Variants in CREBBP observed in about 807,000 individuals in gnomAD.
The protein encoded by CREBBP is CREB binding lysine acetyltransferase.
A neutral mutation model predicts 265.0 loss-of-function variants in CREBBP; 19 were observed. That is an observed-to-expected ratio of 0.07 (90% CI 0.05 to 0.11). The LOEUF is 0.11. Among genes scored for constraint, CREBBP ranks in the 10% least tolerant of loss-of-function variants. The pLI is 1.00. For missense variants in CREBBP, 2,525 were observed against 3,219.0 expected, an observed-to-expected ratio of 0.78 and a Z score of 5.22; for synonymous variants, 1,457 against 1,223.7, an observed-to-expected ratio of 1.19 and a Z score of -3.98.
At position 3,736,915 on chromosome 16, in the gene CREBBP, A is replaced by T. The variant is rs183430221; in HGVS notation, c.4395-100T>A. On this transcript the variant is annotated intron_variant, in intron 26 of 30. Coordinates refer to ENST00000262367, the MANE Select transcript of CREBBP (RefSeq NM_004380.3). ...GGAGCAAGGACTAAAGCCAGGACAG[A>T]AGTAACCAGAGAGAGAGAATGAATG... is the stretch of plus-strand genomic sequence containing the variant. The T allele has an allele frequency of 7.1e-6, 10 of 1,411,930 alleles. No individual in the cohort carries two copies. The Admixed American group carries it at 1.8e-4, about 25-fold the overall frequency. 87.5% of individuals were successfully genotyped at this position (1,411,930 alleles called of 1,614,324 possible). A position where few individuals can be genotyped will look rare whatever the true frequency, so the allele number is the denominator to read the frequency against.
chr16:3,851,767 T>C (rs1192499880), intron 1 of CREBBP, among the ~76,000 whole-genome samples: 1 of 142,888 alleles, frequency 7.0e-6, no homozygotes. Context: ...GGCAGGAGAA[T>C]GGCGTGAACC....
intron 12 of CREBBP, 35 bp downstream of exon 12, chr16:3,774,534 G>A: frequency 6.2e-7 from 1 of 1,613,416 alleles, no homozygotes; most frequent in Non-Finnish European, 8.5e-7. Flanking sequence ...GTGAGAGGGA[G>A]GGCTATCTGC....
rs2053171297 is a variant in CREBBP, at chr16:3,777,504, AAAG to A, written c.2158+106_2158+108del. The A allele has an allele frequency of 7.6e-6, 9 of 1,181,986 alleles. No individual in the cohort carries two copies. In the East Asian group the frequency reaches 1.9e-4, roughly 24 times the overall value. The allele number at this position is 1,181,986 out of a possible 1,614,324, so 73.2% of individuals were successfully genotyped here. Reference sequence around the variant, plus strand: ...TCTGCTTATCAGCAAAAAGGAATGGAAAGAAGAAAGGGTTAGAAAGAAATATAC... The same window carrying A: ...TCTGCTTATCAGCAAAAAGGAATGGAAAGAAAGGGTTAGAAAGAAATATAC... On this transcript the variant is annotated intron_variant, in intron 11 of 30. Coordinates refer to ENST00000262367, the MANE Select transcript of CREBBP (RefSeq NM_004380.3).
At chr16:3,763,337 T>C (rs1008050101) in intron 16 of CREBBP, among the ~76,000 whole-genome samples, 4 of 152,114 alleles carry the variant, frequency 2.6e-5, no homozygotes, top group Non-Finnish European at 5.9e-5. Flanking sequence ...TTCTTATTTT[T>C]TTCTACAGAG....
chr16:3,776,049 TG>T (rs992306657), intron 11 of CREBBP, among the ~76,000 whole-genome samples: 4 of 152,178 alleles, frequency 2.6e-5, no homozygotes, highest in African/African-American at 9.7e-5. Context: ...CCCGCGTAGC[TG>T]GGATTACAGG....
Position 3,801,669 on chromosome 16 carries a change from T to TA in CREBBP, c.976-8044dup, listed in dbSNP as rs560780116. 9.4e-4 allele frequency among the ~76,000 whole-genome samples: 142 copies of TA among 150,864 alleles called. 1 individual carries two copies. The highest frequency in any genetic ancestry group is 7.6e-3 in the South Asian group (36 of 4,758). On this transcript the variant is annotated intron_variant, in intron 3 of 30. Coordinates refer to ENST00000262367, the MANE Select transcript of CREBBP (RefSeq NM_004380.3). ...TGTGCAACAAGAGCAACATTCTGTC[T>TA]AAAAAAAAACAGAAGAACGGGGTAA...
intron 30 of CREBBP, 131 bp from the exon 31 acceptor site, chr16:3,730,005 AG>A (rs2051868987): frequency 6.8e-7 from 1 of 1,463,208 alleles, no homozygotes; most frequent in East Asian, 2.5e-5. Flanking sequence ...AGACCCAGAC[AG>A]GATGCGAGCA....
intron 2 of CREBBP, among the ~76,000 whole-genome samples, chr16:3,841,519 T>C (rs1372302855): frequency 1.3e-5 from 2 of 152,118 alleles, no homozygotes; most frequent in Admixed American, 6.6e-5. Flanking sequence ...TGCACACCTA[T>C]AGTACCAGCT....
At chr16:3,774,447 C>T (rs983103279) in intron 12 of CREBBP, 122 bp downstream of exon 12, 1 of 1,341,698 alleles carries the variant, frequency 7.5e-7, no homozygotes. Context: ...AGAAATAAAG[C>T]ATAACCCAAA....
intron 2 of CREBBP, among the ~76,000 whole-genome samples, chr16:3,838,942 T>G (rs1340288590): frequency 6.6e-6 from 1 of 152,204 alleles, no homozygotes; most frequent in Non-Finnish European, 1.5e-5. Context: ...AAATATTTTA[T>G]GTGGCACAGC....
intron 12 of CREBBP, 106 bp from the exon 13 acceptor site, chr16:3,774,036 A>C (rs2053079025): frequency 8.0e-7 from 1 of 1,250,536 alleles, no homozygotes; most frequent in African/African-American, 1.5e-5. Context: ...GAGGATGGCA[A>C]GCACAGGGCT....
intron 1 of CREBBP, among the ~76,000 whole-genome samples, chr16:3,862,025 G>C (rs1202340645): frequency 6.6e-6 from 1 of 152,154 alleles, no homozygotes; most frequent in Non-Finnish European, 1.5e-5. Flanking sequence ...CACTGCTCAG[G>C]GGCCCTCACT....
chr16:3,876,423 A>C (rs1401481421), intron 1 of CREBBP, among the ~76,000 whole-genome samples: 6 of 150,664 alleles, frequency 4.0e-5, no homozygotes, highest in Non-Finnish European at 8.9e-5. Context: ...AAAAAAAAAA[A>C]AAACAACCCA....
chr16:3,858,721 C>T (rs575612018), intron 1 of CREBBP, among the ~76,000 whole-genome samples: 3 of 152,192 alleles, frequency 2.0e-5, no homozygotes, highest in African/African-American at 4.8e-5. Context: ...GAAACAATAA[C>T]GAATTCTCTA....
At chr16:3,839,556 C>T (rs2054523308) in intron 2 of CREBBP, among the ~76,000 whole-genome samples, 1 of 151,718 alleles carries the variant, frequency 6.6e-6, no homozygotes, top group Non-Finnish European at 1.5e-5. Context: ...CTGGCGCATG[C>T]CTGTAATCCC....
intron 3 of CREBBP, among the ~76,000 whole-genome samples, chr16:3,800,072 A>C (rs2053682167): frequency 1.3e-5 from 2 of 152,230 alleles, no homozygotes. Flanking sequence ...AAGGCAGTAA[A>C]GGCTTTAGTC....
At position 3,782,746 on chromosome 16, in the gene CREBBP, ACC is replaced by A; in HGVS notation, c.1509_1510del (p.Gln503HisfsTer24). On this transcript the variant is annotated frameshift_variant, in exon 6 of 31. Coordinates refer to ENST00000262367, the MANE Select transcript of CREBBP (RefSeq NM_004380.3). LOFTEE classifies it high-confidence loss of function. ...AGGCTGTGCTGGTTGCTGGCCAGGA[ACC>A]TGAGGCTGCAGCTGCGTCTGGGGCT... The A allele has an allele frequency of 6.2e-7, 1 of 1,614,092 alleles. No individual in the cohort carries two copies. The highest frequency in any genetic ancestry group is 8.5e-7 in the Non-Finnish European group (1 of 1,180,010).
At chr16:3,825,632 C>CA (rs2054222555) in intron 2 of CREBBP, among the ~76,000 whole-genome samples, 2 of 152,058 alleles carry the variant, frequency 1.3e-5, no homozygotes, top group Non-Finnish European at 2.9e-5. Context: ...AGTTAGAAGG[C>CA]ATTTTTTATC....
rs2052992367 is a variant in CREBBP, at chr16:3,770,965, G to A, written c.2485C>T (p.Leu829Phe). The A allele has an allele frequency of 6.2e-7, 1 of 1,613,480 alleles. No individual in the cohort carries two copies. The highest frequency in any genetic ancestry group is 1.3e-5 in the African/African-American group (1 of 74,884). Residue 829 changes from leucine (L) to phenylalanine (F), a missense_variant, in exon 14 of 31, where the codon CTT becomes TTT. By Grantham distance (22) the Leu-to-Phe change is conservative. Transcript: ENST00000262367. The stretch of plus-strand genomic sequence containing the variant: ...CCCAGCATGTTGAGAGGGTTAGGAA[G>A]AGCAGCACCAGGCACCTGTCCCTAC... Reference protein sequence around the residue: ...VSQGQVPGAALPNPLNMLGPQ... With the variant: ...VSQGQVPGAAFPNPLNMLGPQ...
Sources: gnomAD v4.1 joint callset for allele counts (sites outside exome capture counted in the v4.1 genomes callset) on GRCh38, gnomAD v4.1.1 for gene constraint, MANE v1.5 for transcripts, NCBI Gene and HGNC (gene_info 2026-07-23, HGNC 2026-07-21) for gene names.